NXN: variants seen among roughly 807,000 people sequenced by gnomAD.
NXN encodes nucleoredoxin.
A neutral mutation model predicts 48.6 loss-of-function variants in NXN; 16 were observed. That is an observed-to-expected ratio of 0.33 (90% CI 0.22 to 0.50). The LOEUF is 0.50. Among genes scored for constraint, NXN ranks in the 20% least tolerant of loss-of-function variants. The pLI is 0.98. For missense variants in NXN, 492 were observed against 605.5 expected, an observed-to-expected ratio of 0.81 and a Z score of 1.97; for synonymous variants, 281 against 269.6, an observed-to-expected ratio of 1.04 and a Z score of -0.41.
intron 1 of NXN, among the ~76,000 whole-genome samples, chr17:887,340 C>G (rs1445845833): frequency 2.0e-5 from 3 of 152,178 alleles, no homozygotes; most frequent in Admixed American, 6.6e-5. Flanking sequence ...GGACAACGTA[C>G]AGTCACAAGG....
At position 956,949 on chromosome 17, in the gene NXN, G is replaced by T. The variant is rs1433093517; in HGVS notation, c.360+22370C>A. Among the ~76,000 whole-genome samples the T allele has an allele frequency of 6.6e-6, 1 of 152,060 alleles. No homozygotes were observed. The highest frequency in any genetic ancestry group is 1.5e-5 in the Non-Finnish European group (1 of 68,020). On this transcript the variant is annotated intron_variant, in intron 1 of 7. Coordinates refer to ENST00000336868, the MANE Select transcript of NXN (RefSeq NM_022463.5). This position sits in a 1 kb window ranked among gnomAD's most constrained non-coding sequence, Gnocchi z 4.1. ...CAGCCCTTTTAGAACCAATACCATGGTCATCACCCAGAAAAAACTCTAAAT... is the reference window on the plus strand; with the variant it reads ...CAGCCCTTTTAGAACCAATACCATGTTCATCACCCAGAAAAAACTCTAAAT...
Position 979,426 on chromosome 17 carries a change from G to T in NXN, c.253C>A (p.Arg85Ser). The T allele has an allele frequency of 3.7e-6, 5 of 1,339,982 alleles. No individual in the cohort carries two copies. The highest frequency in any genetic ancestry group is 3.9e-6 in the Non-Finnish European group (4 of 1,031,610). 83.0% of individuals were successfully genotyped at this position (1,339,982 alleles called of 1,614,324 possible). A position where few individuals can be genotyped will look rare whatever the true frequency, so the allele number is the denominator to read the frequency against. Residue 85 changes from arginine to serine, a missense_variant, in exon 1 of 8, where the codon CGC (arginine) becomes AGC (serine). This residue lies in a region of NXN where 186 missense variants were observed against 199.1 expected (regional missense o/e 0.93). Coordinates refer to ENST00000336868, the MANE Select transcript of NXN (RefSeq NM_022463.5). ...GAAAEPEPRRRLEIVFVSSDQ... is the reference protein window; with the variant it reads ...GAAAEPEPRRSLEIVFVSSDQ... ...GAGGACACGAAGACGATCTCCAGGCGCCGCCGCGGCTCGGGCTCCGCCGCC... is the reference window on the plus strand; with the variant it reads ...GAGGACACGAAGACGATCTCCAGGCTCCGCCGCGGCTCGGGCTCCGCCGCC...
intron 1 of NXN, among the ~76,000 whole-genome samples, chr17:863,261 G>C (rs1475954470): frequency 6.6e-6 from 1 of 152,102 alleles, no homozygotes; most frequent in Non-Finnish European, 1.5e-5. Context: ...ACCTCCACCT[G>C]GGTTCAAGTG....
chr17:847,212 A>G (rs2067873269), intron 1 of NXN, among the ~76,000 whole-genome samples: 1 of 149,948 alleles, frequency 6.7e-6, no homozygotes, highest in African/African-American at 2.5e-5. Context: ...TTTGATTGTT[A>G]TTTCACAAGG....
chr17:889,752 A>AG (rs1491460282), intron 1 of NXN, among the ~76,000 whole-genome samples: 2 of 24,604 alleles, frequency 8.1e-5, no homozygotes, highest in Non-Finnish European at 1.5e-4. Flanking sequence ...AGAAAGAAAG[A>AG]AAGAAAGAAA....
chr17:952,202 G>A, intron 1 of NXN, among the ~76,000 whole-genome samples: 1 of 126,494 alleles, frequency 7.9e-6, no homozygotes, highest in Non-Finnish European at 1.9e-5. Context: ...AGAGACCAAG[G>A]TTGGAACCCG....
intron 5 of NXN, 86 bp from the exon 6 acceptor site, chr17:805,333 C>A: frequency 1.4e-6 from 2 of 1,416,952 alleles, no homozygotes; most frequent in East Asian, 2.5e-5. Flanking sequence ...AGCCCGGGGT[C>A]CCCCCGACCG....
chr17:896,805 T>G (rs2068491058), intron 1 of NXN: 1 of 1,118,046 alleles, frequency 8.9e-7, no homozygotes, highest in Non-Finnish European at 1.1e-6. Flanking sequence ...CAATAGACAC[T>G]TGAACCTCTG....
In NXN at chr17:899,123, A is replaced by C. The variant is rs180851859; in HGVS notation, c.361-73045T>G. Among the ~76,000 whole-genome samples the C allele has an allele frequency of 1.4e-3, 206 of 152,032 alleles. 1 individual carries two copies. The highest frequency in any genetic ancestry group is 0.013 in the Admixed American group (196 of 15,250). On this transcript the variant is annotated intron_variant, in intron 1 of 7. Transcript: ENST00000336868. ...CAGGCACCCACCACCATGCACAGCT[A>C]ATTTTTGTATTTTTAGTAGAGACGC... is the stretch of plus-strand genomic sequence containing the variant.
chr17:877,715 CGTT>C (rs1258556175), intron 1 of NXN, among the ~76,000 whole-genome samples: 2 of 152,166 alleles, frequency 1.3e-5, no homozygotes, highest in Non-Finnish European at 2.9e-5. Flanking sequence ...ACAAAATACT[CGTT>C]ATTTTTACCA....
At chr17:876,249 G>GAAAAGAAAAGAA (rs2068214090) in intron 1 of NXN, among the ~76,000 whole-genome samples, 2 of 150,084 alleles carry the variant, frequency 1.3e-5, no homozygotes, top group African/African-American at 4.9e-5. Flanking sequence ...GAAGAGAAGA[G>GAAAAGAAAAGAA]AAGAAAAGAA....
At chr17:812,933 A>T (rs1249490568) in intron 5 of NXN, among the ~76,000 whole-genome samples, 2 of 143,398 alleles carry the variant, frequency 1.4e-5, no homozygotes, top group African/African-American at 5.3e-5. Flanking sequence ...TGCGTGTGTG[A>T]GTGTGCATAT....
At chr17:872,693 T>C (rs1408080037) in intron 1 of NXN, among the ~76,000 whole-genome samples, 1 of 142,556 alleles carries the variant, frequency 7.0e-6, no homozygotes, top group Non-Finnish European at 1.5e-5. Context: ...CAATCTCAGC[T>C]CACTGCAACC....
intron 1 of NXN, among the ~76,000 whole-genome samples, chr17:831,977 T>G (rs1053961002): frequency 7.8e-6 from 1 of 128,696 alleles, no homozygotes; most frequent in Non-Finnish European, 1.7e-5. Flanking sequence ...TTATGTTCTG[T>G]GGGGCTTGGG....
rs2068192771 is a variant in NXN at position 874,437 on chromosome 17, A to G, written c.361-48359T>C. On this transcript the variant is annotated intron_variant, in intron 1 of 7. Transcript: ENST00000336868. ...CACCTCTGCTAAAAATAAAAAAATT[A>G]GCCGGGCGTGGTGGCAGGCACCTGT... 2.0e-5 allele frequency among the ~76,000 whole-genome samples: 3 copies of G among 152,326 alleles called. No individual in the cohort carries two copies. In the South Asian group the frequency reaches 6.2e-4, roughly 32 times the overall value.
intron 1 of NXN, among the ~76,000 whole-genome samples, chr17:853,723 A>ATATATATAT (rs1491528474): frequency 2.1e-4 from 22 of 105,976 alleles, no homozygotes; most frequent in African/African-American, 3.9e-4. Context: ...ATATATATAT[A>ATATATATAT]TTTTTTTTTT....
intron 1 of NXN, among the ~76,000 whole-genome samples, chr17:832,100 C>T (rs564675764): frequency 1.3e-5 from 2 of 151,570 alleles, no homozygotes; most frequent in Non-Finnish European, 2.9e-5. Context: ...GCAGATGCAA[C>T]ATGATTATTA....
chr17:966,440 A>G (rs540695968), intron 1 of NXN, among the ~76,000 whole-genome samples: 3 of 151,822 alleles, frequency 2.0e-5, no homozygotes, highest in Non-Finnish European at 4.4e-5. Context: ...CTCCGCTTCC[A>G]GGGTTCAAAT....
rs1347090097 is a variant in NXN at position 919,343 on chromosome 17, CAG to C, written c.360+59974_360+59975del. ...GTGCCACTGTACTCCAGCCTGGTGA[CAG>C]AGTGAGACTCTGTCTCAAAACAAAA... On this transcript the variant is annotated intron_variant, in intron 1 of 7. Transcript: ENST00000336868. This position sits in a 1 kb window ranked among gnomAD's most constrained non-coding sequence, Gnocchi z 5.1. Among the ~76,000 whole-genome samples, 5 of 151,554 alleles carry C rather than the reference CAG, an allele frequency of 3.3e-5. No homozygotes were observed. Among genetic ancestry groups the C allele is most frequent in the East Asian group, 3.9e-4 (2 of 5,084 alleles).
Sources: gnomAD v4.1 joint callset for allele counts (sites outside exome capture counted in the v4.1 genomes callset) on GRCh38, gnomAD v4.1.1 for gene constraint, gnomAD v4.1.1 regional missense constraint, Gnocchi (gnomAD v3.1) non-coding constraint, MANE v1.5 for transcripts, NCBI Gene and HGNC (gene_info 2026-07-23, HGNC 2026-07-21) for gene names.